Variants in DDHD1 observed in about 807,000 individuals in gnomAD.
DDHD1 encodes the protein DDHD domain containing 1.
DDHD1 carries 49 observed loss-of-function variants against 96.4 expected under a neutral mutation model. The ratio of observed to expected loss-of-function variants is 0.51; its 90% confidence interval spans 0.40 to 0.64. The LOEUF is 0.64. DDHD1 is among the 30% of genes least tolerant of loss of function. DDHD1 has a pLI of 0.00. For missense variants in DDHD1, 1,106 were observed against 1,161.2 expected (o/e 0.95, Z 0.69); for synonymous variants, 442 against 446.5 (o/e 0.99, Z 0.13).
At chr14:53,088,557 C>T (rs1232331704) in intron 4 of DDHD1, among the ~76,000 whole-genome samples, 7 of 152,064 alleles carry the variant, frequency 4.6e-5, no homozygotes, top group African/African-American at 1.7e-4. Flanking sequence ...TAACCAGAAC[C>T]AAAGACAAAA....
At chr14:53,118,198 G>A (rs1888696419) in intron 1 of DDHD1, among the ~76,000 whole-genome samples, 2 of 152,178 alleles carry the variant, frequency 1.3e-5, no homozygotes, top group Non-Finnish European at 2.9e-5. Context: ...AAACCACAAA[G>A]ATGGGGAGAA....
chr14:53,083,335 T>C (rs1338140257), intron 4 of DDHD1, among the ~76,000 whole-genome samples: 1 of 152,182 alleles, frequency 6.6e-6, no homozygotes, highest in Non-Finnish European at 1.5e-5. Context: ...TAATTTAGGG[T>C]ATTAGATATG....
At chr14:53,126,149 C>A (rs767547841) in intron 1 of DDHD1, among the ~76,000 whole-genome samples, 4 of 152,138 alleles carry the variant, frequency 2.6e-5, no homozygotes, top group Admixed American at 6.5e-5. Flanking sequence ...TAGTTAAAAA[C>A]AGTTAATTCT....
In DDHD1 at chr14:53,121,263, T is replaced by A. The variant is rs904238076; in HGVS notation, c.839-17407A>T. ...CTCACACCAGTTAGAATAGCAATTA[T>A]TAAAAAGTCAGGAAACAACAGATGC... On this transcript the variant is annotated intron_variant, in intron 1 of 12. Coordinates refer to ENST00000673822, the MANE Select transcript of DDHD1 (RefSeq NM_001160148.2). 1.3e-5 allele frequency among the ~76,000 whole-genome samples: 2 copies of A among 152,296 alleles called. 1 individual carries two copies. Among genetic ancestry groups the A allele is most frequent in the Admixed American group, 1.3e-4 (2 of 15,296 alleles).
chr14:53,124,970 C>T (rs974985869), intron 1 of DDHD1, among the ~76,000 whole-genome samples: 3 of 151,992 alleles, frequency 2.0e-5, no homozygotes, highest in South Asian at 2.1e-4. Context: ...CTTTCCTCTG[C>T]GTGTGTGGGT....
intron 1 of DDHD1, among the ~76,000 whole-genome samples, chr14:53,137,430 A>G (rs1277435917): frequency 7.4e-6 from 1 of 135,048 alleles, no homozygotes; most frequent in Non-Finnish European, 1.7e-5. Flanking sequence ...TGTCTCTACT[A>G]AAAATACAAA....
Position 53,067,161 on chromosome 14 carries a change from T to C in DDHD1, c.1504-3956A>G, listed in dbSNP as rs113700538. On this transcript the variant is annotated intron_variant, in intron 6 of 12. Transcript: ENST00000673822. Reference sequence around the variant, plus strand: ...TCCGGGAAACTATTCCTTTTCTTTTTTTTTTTTTTTTAAATGAGATGGGCT... The same window carrying C: ...TCCGGGAAACTATTCCTTTTCTTTTCTTTTTTTTTTTAAATGAGATGGGCT... Among the ~76,000 whole-genome samples the C allele has an allele frequency of 6.1e-3, 918 of 151,548 alleles. 10 individuals carry two copies. Among genetic ancestry groups the C allele is most frequent in the African/African-American group, 0.021 (875 of 41,290 alleles).
In DDHD1 at chr14:53,090,063, G is replaced by A. The variant is rs531227538; in HGVS notation, c.1289+1722C>T. Among the ~76,000 whole-genome samples the A allele has an allele frequency of 8.5e-5, 13 of 152,246 alleles. No individual in the cohort carries two copies. The South Asian group carries it at 2.3e-3, about 27-fold the overall frequency. On this transcript the variant is annotated intron_variant, in intron 4 of 12. Transcript: ENST00000673822. ...AGAACCTCATCAAAAAGTAGGCAACGGATATGAAGAGACACTTCTCAAAAG... is the reference window on the plus strand; with the variant it reads ...AGAACCTCATCAAAAAGTAGGCAACAGATATGAAGAGACACTTCTCAAAAG...
intron 2 of DDHD1, among the ~76,000 whole-genome samples, chr14:53,100,960 T>C (rs528313157): frequency 6.6e-6 from 1 of 152,312 alleles, no homozygotes; most frequent in African/African-American, 2.4e-5. Context: ...TCTGTTGGCT[T>C]TGTCTACTCT....
At chr14:53,087,405 T>C (rs1374406924) in intron 4 of DDHD1, among the ~76,000 whole-genome samples, 2 of 152,134 alleles carry the variant, frequency 1.3e-5, no homozygotes, top group Non-Finnish European at 2.9e-5. Flanking sequence ...GACCACACAG[T>C]TGGAAGTAAA....
chr14:53,111,928 C>T (rs985024171), intron 1 of DDHD1, among the ~76,000 whole-genome samples: 1 of 152,046 alleles, frequency 6.6e-6, no homozygotes, highest in African/African-American at 2.4e-5. Context: ...CCTTAGTAAA[C>T]AGAATAGGGT....
In DDHD1 at chr14:53,081,969, G is replaced by A. The variant is rs967624763; in HGVS notation, c.1290-8122C>T. On this transcript the variant is annotated intron_variant, in intron 4 of 12. Coordinates refer to ENST00000673822, the MANE Select transcript of DDHD1 (RefSeq NM_001160148.2). ...GACAGGGAGAGGGAAGAGAGAAGTT[G>A]GATATGTTCTGGCTATACGCCCAAA... Among the ~76,000 whole-genome samples, 6 of 152,082 alleles carry A rather than the reference G, an allele frequency of 3.9e-5. No individual in the cohort carries two copies. The South Asian group carries it at 1.2e-3, about 32-fold the overall frequency.
chr14:53,111,880 T>C (rs919429636), intron 1 of DDHD1, among the ~76,000 whole-genome samples: 4 of 152,170 alleles, frequency 2.6e-5, no homozygotes, highest in African/African-American at 9.7e-5. Flanking sequence ...ACTGTCCAAT[T>C]GAAAGCACAG....
At chr14:53,134,393 C>T (rs377112900) in intron 1 of DDHD1, among the ~76,000 whole-genome samples, 12 of 152,182 alleles carry the variant, frequency 7.9e-5, no homozygotes, top group East Asian at 5.8e-4. Flanking sequence ...TTCGCCCTGA[C>T]GAAGTCCTAT....
chr14:53,062,066 T>C (rs111420605), intron 7 of DDHD1, among the ~76,000 whole-genome samples: 303 of 151,844 alleles, frequency 2.0e-3, no homozygotes, highest in African/African-American at 7.0e-3. Flanking sequence ...AAATTTGTTA[T>C]TTTCCATGCT....
At chr14:53,066,997 G>A (rs1884079167) in intron 6 of DDHD1, among the ~76,000 whole-genome samples, 1 of 150,684 alleles carries the variant, frequency 6.6e-6, no homozygotes, top group East Asian at 2.0e-4. Flanking sequence ...TCTCACTTAG[G>A]AAGCACCCCT....
chr14:53,126,306 G>A (rs1889432965), intron 1 of DDHD1, among the ~76,000 whole-genome samples: 1 of 152,170 alleles, frequency 6.6e-6, no homozygotes, highest in African/African-American at 2.4e-5. Context: ...TGAAATAGAA[G>A]TGAATATGAA....
chr14:53,124,368 T>C (rs1889273554), intron 1 of DDHD1, among the ~76,000 whole-genome samples: 1 of 152,160 alleles, frequency 6.6e-6, no homozygotes, highest in South Asian at 2.1e-4. Flanking sequence ...TACTTGTTCA[T>C]TCACTAGCTA....
In DDHD1 at chr14:53,051,931, T is replaced by C; in HGVS notation, c.2438-4A>G. 6.4e-7 allele frequency: 1 copy of C among 1,573,636 alleles called. No homozygotes were observed. The highest frequency in any genetic ancestry group is 8.6e-7 in the Non-Finnish European group (1 of 1,158,228). ...AACGATTCTTGAAGTCTGAAATCTG[T>C]GAAAAAAAAACACAAGATGCTGTAA... On this transcript the variant is annotated splice_polypyrimidine_tract_variant and splice_region_variant and intron_variant, in intron 11 of 12. Coordinates refer to ENST00000673822, the MANE Select transcript of DDHD1 (RefSeq NM_001160148.2).
Sources: gnomAD v4.1 joint callset for allele counts (sites outside exome capture counted in the v4.1 genomes callset) on GRCh38, gnomAD v4.1.1 for gene constraint, MANE v1.5 for transcripts, NCBI Gene and HGNC (gene_info 2026-07-23, HGNC 2026-07-21) for gene names.